Variants in NSMAF observed in about 807,000 individuals in gnomAD.
The protein encoded by NSMAF is neutral sphingomyelinase activation associated factor.
NSMAF carries 90 observed loss-of-function variants against 134.9 expected under a neutral mutation model. The observed-to-expected ratio is 0.67, with a 90% confidence interval of 0.56 to 0.79. NSMAF has a LOEUF of 0.79. Ranked by LOEUF, NSMAF falls within the 30% of genes least tolerant of loss-of-function variation. The pLI, the probability that NSMAF is intolerant of heterozygous loss-of-function variation, is 0.00. For synonymous variants in NSMAF, 358 were observed against 389.6 expected (o/e 0.92, Z 0.96); for missense variants, 1,010 against 1,119.0 (o/e 0.90, Z 1.39).
Position 58,597,430 on chromosome 8 carries a change from C to G in NSMAF, c.1749G>C (p.Leu583Phe). Reference protein sequence around the residue: ...PRRITPKFKSLSQTSSYNASM... With the variant: ...PRRITPKFKSFSQTSSYNASM... Reference sequence around the variant, plus strand: ...AAGCATTATAACTGGAGGTCTGGGACAAACTTTTAAACTTTGGGGTGATCC... The same window carrying G: ...AAGCATTATAACTGGAGGTCTGGGAGAAACTTTTAAACTTTGGGGTGATCC... Residue 583 changes from leucine to phenylalanine, a missense_variant, in exon 21 of 31, where the codon TTG becomes TTC. Transcript: ENST00000038176. The G allele has an allele frequency of 4.3e-6, 7 of 1,614,158 alleles. No individual in the cohort carries two copies. Among genetic ancestry groups the G allele is most frequent in the African/African-American group, 1.3e-5 (1 of 75,052 alleles).
intron 6 of NSMAF, among the ~76,000 whole-genome samples, chr8:58,630,970 G>C (rs77982702): frequency 0.027 from 4,164 of 152,206 alleles, 208 homozygotes; most frequent in African/African-American, 0.094. Context: ...TATGTATTAA[G>C]CTGAAGCATA....
In NSMAF at chr8:58,620,671, A is replaced by T. The variant is rs181414322; in HGVS notation, c.557+2549T>A. ...TCAATGAAAGACAGGCATTTAAATT[A>T]ACTGTTATTGAAAACTCTTTTGCTT... is the stretch of plus-strand genomic sequence containing the variant. On this transcript the variant is annotated intron_variant, in intron 9 of 30. Coordinates refer to ENST00000038176, the MANE Select transcript of NSMAF (RefSeq NM_003580.4). Among the ~76,000 whole-genome samples, 15 of 152,294 alleles carry T rather than the reference A, an allele frequency of 9.8e-5. No individual in the cohort carries two copies. In the East Asian group the frequency reaches 2.7e-3, roughly 27 times the overall value.
At chr8:58,609,940 G>A (rs1373899577) in intron 9 of NSMAF, among the ~76,000 whole-genome samples, 1 of 152,060 alleles carries the variant, frequency 6.6e-6, no homozygotes, top group African/African-American at 2.4e-5. Flanking sequence ...CAAAGAAATA[G>A]GTGAGATTAT....
intron 21 of NSMAF, among the ~76,000 whole-genome samples, chr8:58,596,436 G>T (rs1806136880): frequency 6.6e-6 from 1 of 152,160 alleles, no homozygotes; most frequent in Admixed American, 6.5e-5. Flanking sequence ...GTTTGAAGTT[G>T]TCTTAGGTAA....
intron 30 of NSMAF, 110 bp from the exon 31 acceptor site, chr8:58,584,310 A>C (rs1371005515): frequency 1.3e-6 from 1 of 748,710 alleles, no homozygotes; most frequent in African/African-American, 1.8e-5. Context: ...AAACAAGTGA[A>C]GTAAGTTCTA....
intron 9 of NSMAF, among the ~76,000 whole-genome samples, chr8:58,618,380 T>G (rs1295587317): frequency 6.6e-6 from 1 of 151,926 alleles, no homozygotes; most frequent in Non-Finnish European, 1.5e-5. Context: ...TTTTAATGAT[T>G]TTATATTTTA....
chr8:58,605,479 T>C (rs965559277), intron 12 of NSMAF, among the ~76,000 whole-genome samples: 1 of 152,202 alleles, frequency 6.6e-6, no homozygotes, highest in Non-Finnish European at 1.5e-5. Flanking sequence ...TATAAGAGCA[T>C]TTAAATATAT....
rs1308728271 is a variant in NSMAF at position 58,587,664 on chromosome 8, T to C, written c.2249A>G (p.Lys750Arg). ...GGCCAGCAAGTCAAAGTGGTGTCTTTTGGTGCCTGGCATCTCTGCAGGAAC... is the reference window on the plus strand; with the variant it reads ...GGCCAGCAAGTCAAAGTGGTGTCTTCTGGTGCCTGGCATCTCTGCAGGAAC... ...SGVPAEMPGT[K>R]RHHFDLLAEL... The change falls in exon 27 of 31, where the codon AAA becomes AGA. Residue 750 changes from lysine to arginine, a missense_variant. By Grantham distance (26) the Lys-to-Arg change is conservative. Coordinates refer to ENST00000038176, the MANE Select transcript of NSMAF (RefSeq NM_003580.4). The C allele has an allele frequency of 3.1e-6, 5 of 1,614,204 alleles. No homozygotes were observed. The South Asian group carries it at 5.5e-5, about 18-fold the overall frequency.
chr8:58,605,329 G>C (rs1806379299), intron 12 of NSMAF, among the ~76,000 whole-genome samples: 1 of 152,126 alleles, frequency 6.6e-6, no homozygotes, highest in African/African-American at 2.4e-5. Context: ...CACAATCAAT[G>C]ATCACAAACA....
intron 2 of NSMAF, among the ~76,000 whole-genome samples, chr8:58,635,924 G>T (rs1374622768): frequency 6.6e-6 from 1 of 152,100 alleles, no homozygotes; most frequent in Non-Finnish European, 1.5e-5. Context: ...CTGTTCTTTT[G>T]TGAGCAGTAA....
intron 2 of NSMAF, chr8:58,640,064 G>A (rs1467747052): frequency 4.4e-6 from 2 of 455,338 alleles, no homozygotes; most frequent in East Asian, 7.0e-5. Flanking sequence ...GGGAGATGCT[G>A]GGCAAAGTGC....
intron 7 of NSMAF, 98 bp from the exon 8 acceptor site, chr8:58,623,522 G>T: frequency 7.7e-7 from 1 of 1,291,036 alleles, no homozygotes; most frequent in Non-Finnish European, 1.1e-6. Flanking sequence ...TCTGTTAACA[G>T]TCAAGATTAC....
At chr8:58,615,973 G>A (rs1444645790) in intron 9 of NSMAF, among the ~76,000 whole-genome samples, 1 of 151,784 alleles carries the variant, frequency 6.6e-6, no homozygotes, top group South Asian at 2.1e-4. Context: ...ATGAAAGAAG[G>A]GTAGATACTA....
chr8:58,618,253 A>G (rs1027033658), intron 9 of NSMAF, among the ~76,000 whole-genome samples: 3 of 152,170 alleles, frequency 2.0e-5, no homozygotes, highest in Non-Finnish European at 2.9e-5. Flanking sequence ...TGGCACATGT[A>G]TACCTATGTA....
At chr8:58,637,190 C>T (rs1002498560) in intron 2 of NSMAF, 4 of 321,868 alleles carry the variant, frequency 1.2e-5, no homozygotes, top group Non-Finnish European at 2.6e-5. Flanking sequence ...CTTGCCCCTG[C>T]ATCCTTTTAA....
At chr8:58,628,353 G>T (rs1806983703) in intron 6 of NSMAF, among the ~76,000 whole-genome samples, 1 of 151,650 alleles carries the variant, frequency 6.6e-6, no homozygotes, top group Admixed American at 6.6e-5. Context: ...GGTTACCATG[G>T]GTCTTATATA....
At chr8:58,593,642 G>T (rs1326238106) in intron 23 of NSMAF, among the ~76,000 whole-genome samples, 1 of 152,126 alleles carries the variant, frequency 6.6e-6, no homozygotes, top group Non-Finnish European at 1.5e-5. Context: ...AATATATAAT[G>T]CAGACTACCA....
At chr8:58,604,869 G>A (rs1451501259) in intron 12 of NSMAF, among the ~76,000 whole-genome samples, 1 of 151,926 alleles carries the variant, frequency 6.6e-6, no homozygotes, top group South Asian at 2.1e-4. Context: ...TCAGCCTCTC[G>A]AGTAGCTGGG....
At chr8:58,597,279 T>A (rs1409893001) in intron 21 of NSMAF, 108 bp downstream of exon 21, 26 of 980,090 alleles carry the variant, frequency 2.7e-5, no homozygotes, top group Admixed American at 4.6e-5. Context: ...GAGAACACAA[T>A]CATCTCTAAG....
Sources: gnomAD v4.1 joint callset for allele counts (sites outside exome capture counted in the v4.1 genomes callset) on GRCh38, gnomAD v4.1.1 for gene constraint, MANE v1.5 for transcripts, NCBI Gene and HGNC (gene_info 2026-07-23, HGNC 2026-07-21) for gene names.